The following MPRIP variants were observed in gnomAD, a reference collection of about 807,000 sequenced individuals.
MPRIP encodes the protein myosin phosphatase Rho interacting protein, also known as myosin phosphatase Rho-interacting protein.
A neutral mutation model predicts 234.9 loss-of-function variants in MPRIP; 59 were observed. That is an observed-to-expected ratio of 0.25 (90% CI 0.20 to 0.31). The LOEUF is 0.31. Among genes scored for constraint, MPRIP ranks in the 10% least tolerant of loss-of-function variants. The probability of loss-of-function intolerance (pLI) is 1.00; values close to 1 mark genes in which losing one functional copy is unlikely to be tolerated. For synonymous variants in MPRIP, 1,144 were observed against 1,263.9 expected (o/e 0.91, Z 2.01); for missense variants, 2,436 against 3,071.0 (o/e 0.79, Z 4.89).
At chr17:17,168,589 C>T (rs2046059278) in intron 16 of MPRIP, 6 of 343,582 alleles carry the variant, frequency 1.7e-5, no homozygotes, top group South Asian at 1.3e-4. Context: ...AGGCGAAATG[C>T]CAGGCCCTGG....
chr17:17,174,805 A>G (rs1334523317), intron 19 of MPRIP, among the ~76,000 whole-genome samples: 6 of 152,172 alleles, frequency 3.9e-5, no homozygotes, highest in African/African-American at 1.4e-4. Context: ...TCTAAAAAAA[A>G]AAAAAAAAAG....
chr17:17,140,374 C>T (rs1242649778), intron 7 of MPRIP, among the ~76,000 whole-genome samples: 1 of 152,176 alleles, frequency 6.6e-6, no homozygotes. Flanking sequence ...TGGGTTTTCA[C>T]CTGGTGCTGG....
chr17:17,056,266 ACT>A (rs1254244802), intron 1 of MPRIP, among the ~76,000 whole-genome samples: 3 of 151,808 alleles, frequency 2.0e-5, no homozygotes, highest in Admixed American at 1.3e-4. Flanking sequence ...ACAGGGTGTG[ACT>A]CTTCCCTGCG....
chr17:17,054,955 G>A (rs1322849547), intron 1 of MPRIP, among the ~76,000 whole-genome samples: 1 of 151,982 alleles, frequency 6.6e-6, no homozygotes, highest in Non-Finnish European at 1.5e-5. Flanking sequence ...GGAGGCTGAG[G>A]TAGAAGGATT....
chr17:17,147,215 G>A (rs1414736526), intron 10 of MPRIP, 104 bp from the exon 11 acceptor site: 2 of 1,080,446 alleles, frequency 1.9e-6, no homozygotes. Flanking sequence ...CTTTCCCTGT[G>A]CTCTGGGAGG....
At chr17:17,084,286 A>G (rs1314367342) in intron 3 of MPRIP, among the ~76,000 whole-genome samples, 1 of 152,236 alleles carries the variant, frequency 6.6e-6, no homozygotes, top group Non-Finnish European at 1.5e-5. Flanking sequence ...TAGCAGAACC[A>G]TGATGTGTAG....
intron 1 of MPRIP, among the ~76,000 whole-genome samples, chr17:17,074,951 G>A (rs1479809153): frequency 6.6e-6 from 1 of 152,134 alleles, no homozygotes; most frequent in African/African-American, 2.4e-5. Context: ...GAACATTCAT[G>A]TGCAGGTATT....
rs11870441 is a variant in MPRIP at position 17,142,841 on chromosome 17, C to A, written c.1389+76C>A. On this transcript the variant is annotated intron_variant, in intron 8 of 23. Transcript: ENST00000651222. ...AGCATGCACCCCATGCGCCAAGTCC[C>A]CTCCACACAGGCCTGGGATGTGCTC... 6.7e-3 allele frequency: 10,274 copies of A among 1,524,898 alleles called. 239 individuals carry two copies. In the African/African-American group the frequency reaches 0.068, roughly 10 times the overall value. The allele number at this position is 1,524,898 out of a possible 1,614,324, so 94.5% of individuals were successfully genotyped here.
At chr17:17,173,384 G>A (rs1443514881) in intron 18 of MPRIP, among the ~76,000 whole-genome samples, 1 of 152,244 alleles carries the variant, frequency 6.6e-6, no homozygotes, top group Non-Finnish European at 1.5e-5. Context: ...CCTGCCTCAG[G>A]AGCTGGCAGC....
chr17:17,163,003 A>C (rs1006656219), intron 15 of MPRIP, among the ~76,000 whole-genome samples: 5 of 152,240 alleles, frequency 3.3e-5, no homozygotes, highest in Non-Finnish European at 7.3e-5. Flanking sequence ...GTTGGTCAGC[A>C]CTGGGCAAAG....
intron 1 of MPRIP, among the ~76,000 whole-genome samples, chr17:17,059,703 C>G (rs900688789): frequency 1.3e-5 from 2 of 152,330 alleles, no homozygotes; most frequent in East Asian, 3.9e-4. Context: ...TTCCCAGAGG[C>G]TTTGCGAACT....
At chr17:17,173,774 C>T (rs1362613126) in intron 18 of MPRIP, 142 bp from the exon 19 acceptor site, 2 of 960,610 alleles carry the variant, frequency 2.1e-6, no homozygotes, top group Non-Finnish European at 3.3e-6. Flanking sequence ...ATCCCTTACT[C>T]TGTATGACCC....
At chr17:17,120,839 C>T (rs150914712) in intron 3 of MPRIP, among the ~76,000 whole-genome samples, 47 of 152,320 alleles carry the variant, frequency 3.1e-4, no homozygotes, top group African/African-American at 1.1e-3. Flanking sequence ...TTCCTTCTGG[C>T]TGGATTTGGG....
rs751526329 is a variant in MPRIP at position 17,184,509 on chromosome 17, T to C, written c.7207-314T>C. ...GGCAGTCTCCTTGCTCATTGCACTG[T>C]TTTCCCTGGCTGGATTCGTTTGATC... is the stretch of plus-strand genomic sequence containing the variant. On this transcript the variant is annotated intron_variant, in intron 23 of 23. Transcript: ENST00000651222. Among the ~76,000 whole-genome samples, 11 of 152,348 alleles carry C rather than the reference T, an allele frequency of 7.2e-5. No individual in the cohort carries two copies. In the South Asian group the frequency reaches 1.5e-3, roughly 20 times the overall value.
At chr17:17,088,284 C>T (rs938584166) in intron 3 of MPRIP, among the ~76,000 whole-genome samples, 6 of 152,232 alleles carry the variant, frequency 3.9e-5, no homozygotes, top group African/African-American at 1.4e-4. Context: ...GGTCTATCTT[C>T]AGAGCTGTGG....
At position 17,165,224 on chromosome 17, in the gene MPRIP, A is replaced by C. The variant is rs1281951307; in HGVS notation, c.3633A>C (p.Ala1211=). 7.7e-7 allele frequency: 1 copy of C among 1,304,034 alleles called. No individual in the cohort carries two copies. Among genetic ancestry groups the C allele is most frequent in the African/African-American group, 1.5e-5 (1 of 65,874 alleles). 80.8% of individuals were successfully genotyped at this position (1,304,034 alleles called of 1,614,324 possible). ...AGGAAACAGAAATTAAGCTCCAGGC[A>C]AAAGAAGAGATTTTAAGGAAATTTG... ...SLEETEIKLQ[A]KEEILRKFAS... is the part of the protein sequence containing the mutation. Residue 1211 remains alanine (A), a synonymous_variant, in exon 16 of 24, where the codon GCA becomes GCC. Coordinates refer to ENST00000651222, the MANE Select transcript of MPRIP (RefSeq NM_001364716.4).
Position 17,164,534 on chromosome 17 carries a change from G to C in MPRIP, c.2943G>C (p.Ala981=). The C allele has an allele frequency of 4.1e-6, 5 of 1,208,774 alleles. No homozygotes were observed. In the South Asian group the frequency reaches 7.7e-5, roughly 19 times the overall value. 74.9% of individuals were successfully genotyped at this position (1,208,774 alleles called of 1,614,324 possible). The change falls in exon 16 of 24, where the codon GCG becomes GCC. Residue 981 remains alanine, a synonymous_variant. Coordinates refer to ENST00000651222, the MANE Select transcript of MPRIP (RefSeq NM_001364716.4). The part of the protein sequence containing the change: ...QELRGLETQQ[A]LQRDRQKEVQ... ...TACGGGGCCTGGAGACACAGCAGGC[G>C]CTGCAGCGGGACCGGCAGAAGGAGG...
In MPRIP at chr17:17,131,624, G is replaced by A. The variant is rs1367219398; in HGVS notation, c.427G>A (p.Glu143Lys). 1.9e-6 allele frequency: 3 copies of A among 1,614,120 alleles called. No individual in the cohort carries two copies. In the African/African-American group the frequency reaches 4.0e-5, roughly 22 times the overall value. Residue 143 changes from glutamate to lysine, a missense_variant, in exon 5 of 24, where the codon GAG (glutamate) becomes AAG (lysine). Around this residue, in one of 4 missense-constraint regions of MPRIP, gnomAD observed 140 missense variants for 207.3 expected, o/e 0.68. Coordinates refer to ENST00000651222, the MANE Select transcript of MPRIP (RefSeq NM_001364716.4). ...ETKEIVSGWL[E>K]MLMVYPRTNK... ...CTCCTTTTCTCTTCCCAGGTGGCTGGAGATGCTCATGGTCTATCCCCGGAC... is the reference window on the plus strand; with the variant it reads ...CTCCTTTTCTCTTCCCAGGTGGCTGAAGATGCTCATGGTCTATCCCCGGAC...
Position 17,175,333 on chromosome 17 carries a change from G to A in MPRIP, c.6791G>A (p.Arg2264Gln), listed in dbSNP as rs1210641437. ...NRLAAEITRL[R>Q]TLLTGDGGGE... ...CTGGCTGCAGAGATCACACGGTTGC[G>A]GACGCTGCTGACTGGGGACGGCGGT... The change falls in exon 20 of 24, where the codon CGG becomes CAG. Residue 2264 changes from arginine (R) to glutamine (Q), a missense_variant. Physicochemically the swap from Arg to Gln is conservative, Grantham distance 43. Transcript: ENST00000651222. 7.4e-6 allele frequency: 12 copies of A among 1,613,546 alleles called. No homozygotes were observed. Among genetic ancestry groups the A allele is most frequent in the East Asian group, 2.2e-5 (1 of 44,886 alleles).
Sources: gnomAD v4.1 joint callset for allele counts (sites outside exome capture counted in the v4.1 genomes callset) on GRCh38, gnomAD v4.1.1 for gene constraint, gnomAD v4.1.1 regional missense constraint, MANE v1.5 for transcripts, NCBI Gene and HGNC (gene_info 2026-07-23, HGNC 2026-07-21) for gene names.